The following RPA1 variants were observed in gnomAD, a reference collection of about 807,000 sequenced individuals.
RPA1 encodes replication protein A1.
In RPA1, 49 loss-of-function variants were observed where a neutral mutation model predicts 83.0. The ratio of observed to expected loss-of-function variants is 0.59; its 90% confidence interval spans 0.47 to 0.75. The LOEUF is 0.75. Ranked by LOEUF, RPA1 falls within the 30% of genes least tolerant of loss-of-function variation. The pLI, the probability that RPA1 is intolerant of heterozygous loss-of-function variation, is 0.00. For missense variants in RPA1, 693 were observed against 776.1 expected (o/e 0.89, Z 1.27); for synonymous variants, 279 against 281.8 (o/e 0.99, Z 0.10).
At chr17:1,836,536 C>T (rs1405620934) in intron 1 of RPA1, among the ~76,000 whole-genome samples, 1 of 152,178 alleles carries the variant, frequency 6.6e-6, no homozygotes, top group Non-Finnish European at 1.5e-5. Context: ...GCTCCTTCCC[C>T]ACCTCCATCC....
intron 12 of RPA1, among the ~76,000 whole-genome samples, chr17:1,881,350 G>A (rs1482289142): frequency 1.3e-5 from 2 of 152,136 alleles, no homozygotes; most frequent in Non-Finnish European, 2.9e-5. Flanking sequence ...TCTATGGGGG[G>A]GAAGTGTGTC....
chr17:1,898,178 G>T lies in RPA1; in HGVS notation c.*1003G>T, dbSNP rs1487295399. 1 of 152,164 alleles carries T rather than the reference G, an allele frequency of 6.6e-6. No homozygotes were observed. The highest frequency in any genetic ancestry group is 1.5e-5 in the Non-Finnish European group (1 of 68,028). 9.4% of individuals were successfully genotyped at this position (152,164 alleles called of 1,614,324 possible). On this transcript the variant is annotated 3_prime_UTR_variant, in exon 17 of 17. Transcript: ENST00000254719. ...GATGTTAACTCATTATAAACCCGAA[G>T]ATTAGTCCAAGGCATGGAGATCCTT...
chr17:1,867,661 T>G (rs1597442768), intron 5 of RPA1, among the ~76,000 whole-genome samples: 1 of 151,756 alleles, frequency 6.6e-6, no homozygotes, highest in East Asian at 1.9e-4. Flanking sequence ...CAGTGATCTG[T>G]AATCACACCA....
In RPA1 at chr17:1,884,079, G is replaced by A. The variant is rs1913907583; in HGVS notation, c.1374+135G>A. On this transcript the variant is annotated intron_variant, in intron 13 of 16. Coordinates refer to ENST00000254719, the MANE Select transcript of RPA1 (RefSeq NM_002945.5). The surrounding 1 kb of genome is among the most constrained non-coding windows in gnomAD (Gnocchi z 4.1). Reference sequence around the variant, plus strand: ...GGCTGTGACCTGAGCGTGGCATGGGGGTTGAGAATCACTGGCAGAGGGAAG... The same window carrying A: ...GGCTGTGACCTGAGCGTGGCATGGGAGTTGAGAATCACTGGCAGAGGGAAG... 8.1e-7 allele frequency: 1 copy of A among 1,229,128 alleles called. No homozygotes were observed. Among genetic ancestry groups the A allele is most frequent in the East Asian group, 2.5e-5 (1 of 40,784 alleles). 76.1% of individuals were successfully genotyped at this position (1,229,128 alleles called of 1,614,324 possible). A position where few individuals can be genotyped will look rare whatever the true frequency, so the allele number is the denominator to read the frequency against.
At chr17:1,830,360 T>A (rs1911494929) in intron 1 of RPA1, among the ~76,000 whole-genome samples, 1 of 152,180 alleles carries the variant, frequency 6.6e-6, no homozygotes, top group South Asian at 2.1e-4. Context: ...AAGAACAAAC[T>A]AAATAAACGC....
At chr17:1,853,521 A>G (rs1912577500) in intron 5 of RPA1, among the ~76,000 whole-genome samples, 1 of 152,308 alleles carries the variant, frequency 6.6e-6, no homozygotes, top group South Asian at 2.1e-4. Context: ...CGTCTCTACT[A>G]AAAATACAAA....
Position 1,883,818 on chromosome 17 carries a change from C to T in RPA1, c.1248C>T (p.Asp416=), listed in dbSNP as rs753198168. ...TATTCGTTCACGTTTTCAGGTTTGACGCAGAAGGACAAGCCTTAGATGGTG... is the reference window on the plus strand; with the variant it reads ...TATTCGTTCACGTTTTCAGGTTTGATGCAGAAGGACAAGCCTTAGATGGTG... ...PEAYKLRGWF[D]AEGQALDGVS... The change falls in exon 13 of 17, where the codon GAC becomes GAT. Residue 416 remains aspartate, a synonymous_variant. Transcript: ENST00000254719. 4 of 1,613,980 alleles carry T rather than the reference C, an allele frequency of 2.5e-6. No homozygotes were observed. Among genetic ancestry groups the T allele is most frequent in the East Asian group, 4.5e-5 (2 of 44,878 alleles).
chr17:1,869,068 ATT>A (rs1441758676), intron 5 of RPA1, among the ~76,000 whole-genome samples: 1 of 152,176 alleles, frequency 6.6e-6, no homozygotes, highest in African/African-American at 2.4e-5. Flanking sequence ...TCTTCTACAT[ATT>A]GTTTGTAGTT....
intron 1 of RPA1, among the ~76,000 whole-genome samples, chr17:1,839,303 ATTCTCCAGC>A (rs1911948508): frequency 6.6e-6 from 1 of 151,876 alleles, no homozygotes; most frequent in Non-Finnish European, 1.5e-5. Flanking sequence ...GGCATTGTAA[ATTCTCCAGC>A]TTCATTTTTA....
rs777531929 is a variant in RPA1, at chr17:1,883,939, G to A, written c.1369G>A (p.Asp457Asn). The A allele has an allele frequency of 1.4e-5, 23 of 1,613,686 alleles. No homozygotes were observed. Among genetic ancestry groups the A allele is most frequent in the East Asian group, 2.2e-5 (1 of 44,900 alleles). The change falls in exon 13 of 17, where the codon GAC (aspartate) becomes AAC (asparagine). Residue 457 changes from aspartate to asparagine, a missense_variant. By Grantham distance (23) the Asp-to-Asn change is conservative (BLOSUM62 1). Transcript: ENST00000254719. ...EVKSENLGQG[D>N]KPDYFSSVAT... ...CAAATCCGAGAACCTGGGCCAAGGC[G>A]ACAAGGTACCCAGCATTCCTAACCA...
chr17:1,839,967 A>AT (rs1288904826), intron 1 of RPA1, among the ~76,000 whole-genome samples: 3 of 150,312 alleles, frequency 2.0e-5, no homozygotes, highest in South Asian at 2.1e-4. Flanking sequence ...TACTTTTTGT[A>AT]TTTTTTGTAG....
chr17:1,850,893 C>CA (rs60804970), intron 4 of RPA1, among the ~76,000 whole-genome samples: 4,698 of 145,024 alleles, frequency 0.032, 98 homozygotes, highest in Non-Finnish European at 0.045. Flanking sequence ...CTCTCTCTCT[C>CA]AAAAAAAAAA....
At position 1,897,427 on chromosome 17, in the gene RPA1, T is replaced by C. The variant is rs1016109385; in HGVS notation, c.*252T>C. On this transcript the variant is annotated 3_prime_UTR_variant, in exon 17 of 17. Transcript: ENST00000254719. ...GGCTAGCGCAAGACCAGTCACTCCC[T>C]CTGCCTTCAGGCTTCTGTCAATTTC... 1 of 394,472 alleles carries C rather than the reference T, an allele frequency of 2.5e-6. No homozygotes were observed. Among genetic ancestry groups the C allele is most frequent in the Non-Finnish European group, 4.5e-6 (1 of 220,240 alleles). The allele number at this position is 394,472 out of a possible 1,614,324, so 24.4% of individuals were successfully genotyped here.
At chr17:1,865,915 G>T (rs868232646) in intron 5 of RPA1, among the ~76,000 whole-genome samples, 1 of 152,138 alleles carries the variant, frequency 6.6e-6, no homozygotes, top group Non-Finnish European at 1.5e-5. Flanking sequence ...GATTACAGGC[G>T]TGAGCGCTGC....
At chr17:1,871,699 G>A (rs1913381249) in intron 5 of RPA1, among the ~76,000 whole-genome samples, 1 of 152,184 alleles carries the variant, frequency 6.6e-6, no homozygotes, top group Non-Finnish European at 1.5e-5. Context: ...TGTAAAGAGT[G>A]ATGGCAAATA....
chr17:1,838,924 C>T (rs559920090), intron 1 of RPA1, among the ~76,000 whole-genome samples: 1 of 152,198 alleles, frequency 6.6e-6, no homozygotes, highest in South Asian at 2.1e-4. Flanking sequence ...GATCTCGGCT[C>T]ACTGCAAGCT....
chr17:1,838,812 C>G (rs1202912479), intron 1 of RPA1, among the ~76,000 whole-genome samples: 1 of 152,040 alleles, frequency 6.6e-6, no homozygotes, highest in Non-Finnish European at 1.5e-5. Context: ...AACACTATCC[C>G]ATTTCATTGA....
At chr17:1,889,958 C>T (rs908736121) in intron 14 of RPA1, among the ~76,000 whole-genome samples, 5 of 151,892 alleles carry the variant, frequency 3.3e-5, no homozygotes, top group African/African-American at 1.2e-4. Context: ...CGAGATCACA[C>T]CACTGCACTC....
intron 4 of RPA1, among the ~76,000 whole-genome samples, chr17:1,845,408 AC>A (rs1912219000): frequency 1.3e-5 from 2 of 151,678 alleles, no homozygotes; most frequent in South Asian, 4.2e-4. Flanking sequence ...GTGGCGGCAC[AC>A]GCTACAGTCC....
Sources: gnomAD v4.1 joint callset for allele counts (sites outside exome capture counted in the v4.1 genomes callset) on GRCh38, gnomAD v4.1.1 for gene constraint, Gnocchi (gnomAD v3.1) non-coding constraint, MANE v1.5 for transcripts, NCBI Gene and HGNC (gene_info 2026-07-23, HGNC 2026-07-21) for gene names.